The following CNTNAP2 variants were observed in gnomAD, a reference collection of about 807,000 sequenced individuals.
CNTNAP2 encodes contactin-associated protein-like 2.
In CNTNAP2, 98 loss-of-function variants were observed where a neutral mutation model predicts 155.2. The ratio of observed to expected loss-of-function variants is 0.63; its 90% confidence interval spans 0.54 to 0.75. The LOEUF (loss-of-function observed/expected upper bound fraction) is 0.75. Among genes scored for constraint, CNTNAP2 ranks in the 30% least tolerant of loss-of-function variants. The pLI is 0.00. For synonymous variants in CNTNAP2, 651 were observed against 631.2 expected, an observed-to-expected ratio of 1.03 and a Z score of -0.47; for missense variants, 1,727 against 1,688.1, an observed-to-expected ratio of 1.02 and a Z score of -0.40.
intron 3 of CNTNAP2, among the ~76,000 whole-genome samples, chr7:146,860,024 A>C (rs1489475519): frequency 6.6e-6 from 1 of 152,212 alleles, no homozygotes. Context: ...GGTTCAGCTC[A>C]AAATGTGAAA....
chr7:146,992,558 A>T (rs1434404666), intron 3 of CNTNAP2, among the ~76,000 whole-genome samples: 1 of 152,140 alleles, frequency 6.6e-6, no homozygotes, highest in African/African-American at 2.4e-5. Flanking sequence ...CCACCCCAGA[A>T]CAGGAGAGGC....
chr7:147,558,119 T>G (rs527456814), intron 11 of CNTNAP2, among the ~76,000 whole-genome samples: 87 of 152,296 alleles, frequency 5.7e-4, no homozygotes, highest in African/African-American at 2.0e-3. Context: ...TGTAGGAAAT[T>G]TAAAAATCTG....
chr7:146,134,318 A>C (rs1381276507), intron 1 of CNTNAP2, among the ~76,000 whole-genome samples: 1,970 of 144,140 alleles, frequency 0.014, 26 homozygotes, highest in African/African-American at 0.045. Flanking sequence ...GGGCTGAGAC[A>C]ATGGGGTTTT....
intron 8 of CNTNAP2, among the ~76,000 whole-genome samples, chr7:147,154,287 C>T (rs1022865556): frequency 2.0e-5 from 3 of 151,968 alleles, no homozygotes; most frequent in African/African-American, 7.3e-5. Context: ...TCATGTGAGA[C>T]GTTGGGCATA....
rs190995866 is a variant in CNTNAP2 at position 148,226,222 on chromosome 7, A to G, written c.3248-3424A>G. ...TAAAAATATGCTATTATTAAAAAAA[A>G]AGAGTCTGGAGTTCAAGAGAGAAGT... is the stretch of plus-strand genomic sequence containing the variant. On this transcript the variant is annotated intron_variant, in intron 19 of 23. Coordinates refer to ENST00000361727, the MANE Select transcript of CNTNAP2 (RefSeq NM_014141.6). Among the ~76,000 whole-genome samples the G allele has an allele frequency of 3.9e-5, 6 of 152,254 alleles. No homozygotes were observed. The East Asian group carries it at 9.6e-4, about 24-fold the overall frequency.
In CNTNAP2 at chr7:146,638,028, C is replaced by T. The variant is rs139124874; in HGVS notation, c.98-136243C>T. On this transcript the variant is annotated intron_variant, in intron 1 of 23. Coordinates refer to ENST00000361727, the MANE Select transcript of CNTNAP2 (RefSeq NM_014141.6). ...TATCTAGTCATATGTGCACCTGTTG[C>T]AGTAACCCATGCTGTGTAGGCAGGT... Among the ~76,000 whole-genome samples, 1,384 of 152,260 alleles carry T rather than the reference C, an allele frequency of 9.1e-3. 25 individuals are homozygous for T. The highest frequency in any genetic ancestry group is 0.032 in the African/African-American group (1,315 of 41,546).
chr7:147,975,182 G>T (rs1045890328), intron 14 of CNTNAP2, among the ~76,000 whole-genome samples: 4 of 151,556 alleles, frequency 2.6e-5, no homozygotes, highest in Non-Finnish European at 2.9e-5. Context: ...AATATTTAAA[G>T]TTGGGTAGAA....
At chr7:147,148,389 CAAAAAAAA>C (rs5888239) in intron 8 of CNTNAP2, among the ~76,000 whole-genome samples, 834 of 81,720 alleles carry the variant, frequency 0.01, 11 homozygotes, top group African/African-American at 0.036. Flanking sequence ...GACTCCGTCT[CAAAAAAAA>C]AAAAAAAAAA....
At chr7:146,172,223 G>A (rs1053573398) in intron 1 of CNTNAP2, among the ~76,000 whole-genome samples, 1 of 151,910 alleles carries the variant, frequency 6.6e-6, no homozygotes, top group Non-Finnish European at 1.5e-5. Flanking sequence ...TCAAGGCTGG[G>A]ATAGGATGCC....
chr7:147,195,143 A>C (rs560583964), intron 8 of CNTNAP2, among the ~76,000 whole-genome samples: 1 of 152,278 alleles, frequency 6.6e-6, no homozygotes, highest in East Asian at 1.9e-4. Context: ...GCATACAGCT[A>C]GCCGGTTTTC....
intron 5 of CNTNAP2, among the ~76,000 whole-genome samples, chr7:147,112,828 T>G (rs1178728512): frequency 6.6e-6 from 1 of 151,420 alleles, no homozygotes; most frequent in African/African-American, 2.4e-5. Flanking sequence ...TGCCCGAAGT[T>G]TTGTTGTTGT....
At chr7:147,936,414 G>A (rs7800043) in intron 14 of CNTNAP2, among the ~76,000 whole-genome samples, 66 of 151,870 alleles carry the variant, frequency 4.3e-4, no homozygotes, top group African/African-American at 1.5e-3. Context: ...TGAAGACAGA[G>A]AAAAACTGGT....
intron 1 of CNTNAP2, among the ~76,000 whole-genome samples, chr7:146,240,129 ACTATTGGG>A (rs1354957658): frequency 1.3e-5 from 2 of 152,166 alleles, no homozygotes; most frequent in African/African-American, 4.8e-5. Context: ...AACTGTATTA[ACTATTGGG>A]TTTCACATTT....
intron 3 of CNTNAP2, among the ~76,000 whole-genome samples, chr7:146,972,617 C>G (rs1416615842): frequency 2.0e-5 from 3 of 152,166 alleles, no homozygotes; most frequent in African/African-American, 7.2e-5. Context: ...GAGATTAACA[C>G]TGCGTCTGCC....
chr7:146,942,197 T>A (rs950883780), intron 3 of CNTNAP2, among the ~76,000 whole-genome samples: 3 of 152,108 alleles, frequency 2.0e-5, no homozygotes, highest in African/African-American at 7.2e-5. Flanking sequence ...GAAAAATACC[T>A]TCAAAATTCT....
At chr7:146,764,510 C>T (rs1347500899) in intron 1 of CNTNAP2, among the ~76,000 whole-genome samples, 7 of 147,480 alleles carry the variant, frequency 4.7e-5, no homozygotes, top group Non-Finnish European at 6.0e-5. Flanking sequence ...AGATCAAGTT[C>T]GAGGAGTCAA....
intron 3 of CNTNAP2, among the ~76,000 whole-genome samples, chr7:146,876,828 A>G (rs966458702): frequency 7.2e-5 from 11 of 152,194 alleles, no homozygotes; most frequent in African/African-American, 2.7e-4. Flanking sequence ...AAAGTCTGGA[A>G]GGCTCAGAAA....
chr7:148,313,396 C>A (rs1356411569), intron 21 of CNTNAP2, among the ~76,000 whole-genome samples: 2 of 151,862 alleles, frequency 1.3e-5, no homozygotes, highest in East Asian at 3.9e-4. Context: ...GGAGTGGCTG[C>A]CAGGTGAGTT....
At chr7:146,502,398 A>G (rs1797318938) in intron 1 of CNTNAP2, among the ~76,000 whole-genome samples, 1 of 151,674 alleles carries the variant, frequency 6.6e-6, no homozygotes. Flanking sequence ...TTTTGGTTTT[A>G]GAACCATTAG....
Sources: gnomAD v4.1 joint callset for allele counts (sites outside exome capture counted in the v4.1 genomes callset) on GRCh38, gnomAD v4.1.1 for gene constraint, MANE v1.5 for transcripts, NCBI Gene and HGNC (gene_info 2026-07-23, HGNC 2026-07-21) for gene names.